MSRB3: variants seen among roughly 807,000 people sequenced by gnomAD.
MSRB3 encodes the protein methionine-R-sulfoxide reductase B3.
Under a neutral mutation model 21.0 loss-of-function variants are expected in MSRB3, and 13 were observed. That is an observed-to-expected ratio of 0.62 (90% CI 0.40 to 0.98). The LOEUF is 0.98. Among genes scored for constraint, MSRB3 ranks in the 50% least tolerant of loss-of-function variants. The probability of loss-of-function intolerance (pLI) is 0.00; values close to 1 mark genes in which losing one functional copy is unlikely to be tolerated. For missense variants in MSRB3, 199 were observed against 230.3 expected (o/e 0.86, Z 0.88); for synonymous variants, 87 against 88.6 (o/e 0.98, Z 0.10).
At chr12:65,283,930 T>C (rs766158730) in intron 1 of MSRB3, 1 of 152,206 alleles carries the variant, frequency 6.6e-6, no homozygotes, top group Non-Finnish European at 1.5e-5. Flanking sequence ...ACTAATTTCC[T>C]GTATGAAGAG....
chr12:65,330,285 G>A (rs1032220592), intron 4 of MSRB3, among the ~76,000 whole-genome samples: 1 of 152,168 alleles, frequency 6.6e-6, no homozygotes, highest in African/African-American at 2.4e-5. Context: ...AGATGCTAGT[G>A]GGAGTCAGGT....
chr12:65,330,379 T>G (rs1875332262), intron 4 of MSRB3, among the ~76,000 whole-genome samples: 1 of 152,264 alleles, frequency 6.6e-6, no homozygotes, highest in South Asian at 2.1e-4. Flanking sequence ...TTATAAGGAA[T>G]GTGATTTAAT....
intron 4 of MSRB3, among the ~76,000 whole-genome samples, chr12:65,348,055 T>G (rs894342666): frequency 6.6e-6 from 1 of 152,192 alleles, no homozygotes; most frequent in Non-Finnish European, 1.5e-5. Flanking sequence ...TCTTTTTTTG[T>G]TGTGTCTCTG....
At chr12:65,299,944 A>T (rs1873214773) in intron 1 of MSRB3, among the ~76,000 whole-genome samples, 1 of 152,152 alleles carries the variant, frequency 6.6e-6, no homozygotes, top group African/African-American at 2.4e-5. Flanking sequence ...TCACAATGTG[A>T]GCTATTAATG....
intron 6 of MSRB3, among the ~76,000 whole-genome samples, chr12:65,456,572 AGGTGACT>A (rs1883098414): frequency 6.6e-6 from 1 of 152,208 alleles, no homozygotes; most frequent in African/African-American, 2.4e-5. Flanking sequence ...TTAAAGCCCA[AGGTGACT>A]GTTCCTGTTC....
intron 1 of MSRB3, among the ~76,000 whole-genome samples, chr12:65,280,194 T>C (rs1592481014): frequency 6.6e-6 from 1 of 152,240 alleles, no homozygotes; most frequent in Non-Finnish European, 1.5e-5. Flanking sequence ...TATTTAACTT[T>C]ATTCAATTTG....
At chr12:65,374,818 T>A (rs888831414) in intron 5 of MSRB3, among the ~76,000 whole-genome samples, 4 of 152,192 alleles carry the variant, frequency 2.6e-5, no homozygotes, top group Admixed American at 2.0e-4. Flanking sequence ...AAGATTAGCC[T>A]GAAAAATCAG....
intron 5 of MSRB3, among the ~76,000 whole-genome samples, chr12:65,422,508 G>A (rs1035846394): frequency 6.8e-6 from 1 of 146,102 alleles, no homozygotes; most frequent in Non-Finnish European, 1.5e-5. Context: ...CAGGGTAAAT[G>A]GGGTATCCAT....
intron 5 of MSRB3, among the ~76,000 whole-genome samples, chr12:65,415,965 A>G (rs1880951448): frequency 6.6e-6 from 1 of 152,232 alleles, no homozygotes; most frequent in Non-Finnish European, 1.5e-5. Context: ...TCCAGAGAGC[A>G]ATGCCAAGTC....
chr12:65,347,913 C>T (rs931140507), intron 4 of MSRB3, among the ~76,000 whole-genome samples: 2 of 152,264 alleles, frequency 1.3e-5, no homozygotes, highest in East Asian at 3.9e-4. Context: ...GTTGAACCAG[C>T]CTTGTATCTC....
chr12:65,359,737 T>G (rs1312111452), intron 4 of MSRB3, among the ~76,000 whole-genome samples: 1 of 152,102 alleles, frequency 6.6e-6, no homozygotes, highest in Non-Finnish European at 1.5e-5. Context: ...TTGAAAATAG[T>G]GATGAGGAGT....
chr12:65,358,065 T>C (rs1877491341), intron 4 of MSRB3, among the ~76,000 whole-genome samples: 1 of 151,982 alleles, frequency 6.6e-6, no homozygotes, highest in Admixed American at 6.6e-5. Context: ...TTATTTGGAA[T>C]TCCTCTACAA....
At chr12:65,295,198 T>C (rs995416936) in intron 1 of MSRB3, among the ~76,000 whole-genome samples, 2 of 152,210 alleles carry the variant, frequency 1.3e-5, no homozygotes, top group African/African-American at 4.8e-5. Flanking sequence ...AAAAAGTATC[T>C]AAAAACATCA....
chr12:65,320,501 T>G (rs577992402), intron 2 of MSRB3, among the ~76,000 whole-genome samples: 1 of 152,100 alleles, frequency 6.6e-6, no homozygotes, highest in Admixed American at 6.5e-5. Context: ...GGCCAAAGGG[T>G]TTTTTGTTCT....
chr12:65,461,860 A>G (rs1327693926), intron 6 of MSRB3, among the ~76,000 whole-genome samples: 1 of 152,120 alleles, frequency 6.6e-6, no homozygotes, highest in East Asian at 1.9e-4. Context: ...GCCCTCCCCT[A>G]GAGATACACT....
chr12:65,365,075 A>AT (rs34234685), intron 4 of MSRB3, among the ~76,000 whole-genome samples: 31,758 of 149,550 alleles, frequency 0.21, 3,450 homozygotes, highest in Admixed American at 0.27. Context: ...TTCTGACATG[A>AT]TTTTTTTTTT....
chr12:65,454,041 G>A (rs1476421527), intron 6 of MSRB3: 6 of 657,686 alleles, frequency 9.1e-6, no homozygotes, highest in Non-Finnish European at 1.7e-5. Context: ...CCCATACTTT[G>A]AGAGGGCCAA....
At chr12:65,373,486 T>C (rs1288895999) in intron 5 of MSRB3, among the ~76,000 whole-genome samples, 2 of 152,148 alleles carry the variant, frequency 1.3e-5, no homozygotes, top group African/African-American at 2.4e-5. Context: ...ATGGTATAGA[T>C]TCATGGTCCA....
chr12:65,429,020 C>T (rs1206417885), intron 5 of MSRB3, among the ~76,000 whole-genome samples: 1 of 152,060 alleles, frequency 6.6e-6, no homozygotes, highest in Non-Finnish European at 1.5e-5. Flanking sequence ...TGTATGGTTG[C>T]CTCTTGTTTT....
Sources: gnomAD v4.1 joint callset for allele counts (sites outside exome capture counted in the v4.1 genomes callset) on GRCh38, gnomAD v4.1.1 for gene constraint, MANE v1.5 for transcripts, NCBI Gene and HGNC (gene_info 2026-07-23, HGNC 2026-07-21) for gene names.